SPATA22: variants seen among roughly 807,000 people sequenced by gnomAD.
The protein encoded by SPATA22 is spermatogenesis-associated protein 22.
A neutral mutation model predicts 47.8 loss-of-function variants in SPATA22; 29 were observed. The ratio of observed to expected loss-of-function variants is 0.61; its 90% CI spans 0.45 to 0.83. The LOEUF (loss-of-function observed/expected upper bound fraction) is 0.83, where lower values mean the gene tolerates loss of function less well. Among genes scored for constraint, SPATA22 ranks in the 40% least tolerant of loss-of-function variants. The probability of loss-of-function intolerance (pLI) is 0.00; values close to 1 mark genes in which losing one functional copy is unlikely to be tolerated. For synonymous variants in SPATA22, 133 were observed against 140.9 expected (o/e 0.94, Z 0.40); for missense variants, 410 against 421.7 (o/e 0.97, Z 0.24).
At chr17:3,502,301 C>T (rs2073999692) in intron 1 of SPATA22, 1 of 152,198 alleles carries the variant, frequency 6.6e-6, no homozygotes. Flanking sequence ...GTGAGCATAA[C>T]TTTTACACGT....
chr17:3,471,583 C>A (rs1344522120), intron 1 of SPATA22, 99 bp downstream of exon 1: 3 of 985,058 alleles, frequency 3.0e-6, no homozygotes, highest in Non-Finnish European at 3.6e-6. Flanking sequence ...GGCTCCTGAC[C>A]GCGGTGGGAG....
upstream of SPATA22, among the ~76,000 whole-genome samples, chr17:3,473,074 C>T (rs559527681): frequency 1.1e-4 from 17 of 148,106 alleles, no homozygotes; most frequent in South Asian, 3.4e-3. Flanking sequence ...ACATTTACAA[C>T]ACACACCCAC....
intron 5 of SPATA22, among the ~76,000 whole-genome samples, chr17:3,452,615 G>A (rs1256687609): frequency 6.6e-6 from 1 of 151,704 alleles, no homozygotes; most frequent in Non-Finnish European, 1.5e-5. Context: ...GAAAAACTAA[G>A]AGCTTATTTT....
chr17:3,513,796 A>G lies in SPATA22; in HGVS notation c.-458T>C, dbSNP rs1180614928. The G allele has an allele frequency of 1.5e-5, 12 of 798,382 alleles. No individual in the cohort carries two copies. The East Asian group carries it at 3.0e-4, about 20-fold the overall frequency. 49.5% of individuals were successfully genotyped at this position (798,382 alleles called of 1,614,324 possible). Reference sequence around the variant, plus strand: ...CACTGAGCACTGAGCACGAGGGTGCACTCTGCTTCTAGGCCAGCAGAGCCG... The same window carrying G: ...CACTGAGCACTGAGCACGAGGGTGCGCTCTGCTTCTAGGCCAGCAGAGCCG... On this transcript the variant is annotated 5_prime_UTR_variant, in exon 1 of 9. Transcript: ENST00000541913.
At chr17:3,477,249 A>G (rs547397280) in intron 1 of SPATA22, among the ~76,000 whole-genome samples, 28 of 152,344 alleles carry the variant, frequency 1.8e-4, no homozygotes, top group African/African-American at 5.5e-4. Flanking sequence ...ATTGTTGTAG[A>G]TGGGATACCA....
intron 2 of SPATA22, 50 bp downstream of exon 2, chr17:3,469,233 A>G: frequency 1.2e-6 from 1 of 832,472 alleles, no homozygotes. Context: ...TAAACTATAC[A>G]AGCTTTATAT....
At position 3,465,097 on chromosome 17, in the gene SPATA22, C is replaced by T. The variant is rs1328138791; in HGVS notation, c.172+2329G>A. Among the ~76,000 whole-genome samples, 14 of 115,658 alleles carry T rather than the reference C, an allele frequency of 1.2e-4. 1 individual carries two copies. The highest frequency in any genetic ancestry group is 1.2e-3 in the Admixed American group (14 of 12,124). The allele number at this position is 115,658 out of a possible 152,430, so 75.9% of individuals were successfully genotyped here. A position where few individuals can be genotyped will look rare whatever the true frequency, so the allele number is the denominator to read the frequency against. On this transcript the variant is annotated intron_variant, in intron 3 of 8. Transcript: ENST00000572969. ...GTCAGCCCCTCCACCCGGCAGCCAC[C>T]CCGTCTGGGAAGTGAGGAGCGTCTC...
rs900334376 is a variant in SPATA22, at chr17:3,467,305, A to G, written c.172+121T>C. ...GTTCAGAAAGTGCTATGTAATTTCT[A>G]TATGTGGATAATGGAAAGAAGAAAA... On this transcript the variant is annotated intron_variant, in intron 3 of 8. Transcript: ENST00000572969. 1.2e-5 allele frequency: 10 copies of G among 802,306 alleles called. No homozygotes were observed. The African/African-American group carries it at 1.6e-4, about 13-fold the overall frequency. 49.7% of individuals were successfully genotyped at this position (802,306 alleles called of 1,614,324 possible).
intron 8 of SPATA22, chr17:3,441,299 GTTTTTC>G (rs2072592553): frequency 6.6e-6 from 1 of 151,998 alleles, no homozygotes; most frequent in Non-Finnish European, 1.5e-5. Context: ...TCCCAGAATA[GTTTTTC>G]TTTTTAATTC....
At chr17:3,450,652 A>G (rs2072837094) in intron 5 of SPATA22, among the ~76,000 whole-genome samples, 1 of 152,188 alleles carries the variant, frequency 6.6e-6, no homozygotes, top group African/African-American at 2.4e-5. Context: ...TATTTTCAAT[A>G]AAGAGAACAG....
At position 3,440,146 on chromosome 17, in the gene SPATA22, C is replaced by G. The variant is rs372860387; in HGVS notation, c.*1G>C. The G allele has an allele frequency of 5.2e-6, 8 of 1,535,160 alleles. No individual in the cohort carries two copies. The African/African-American group carries it at 9.8e-5, about 19-fold the overall frequency. On this transcript the variant is annotated 3_prime_UTR_variant, in exon 9 of 9. Transcript: ENST00000572969. Reference sequence around the variant, plus strand: ...TATGCTAAACTTCCTTTTATCACTACTTAAGTTTCATTCATCACATTAATA... The same window carrying G: ...TATGCTAAACTTCCTTTTATCACTAGTTAAGTTTCATTCATCACATTAATA...
Position 3,509,927 on chromosome 17 carries a change from C to CT in SPATA22, c.-74+3484dup, listed in dbSNP as rs1243016689. ...TTCTCTAATGACCAGTGATGATGAG[C>CT]TTTTTTTCATATGTTTGTTGGCCAC... On this transcript the variant is annotated intron_variant, in intron 1 of 8. Transcript: ENST00000541913. Among the ~76,000 whole-genome samples, 7 of 152,084 alleles carry CT rather than the reference C, an allele frequency of 4.6e-5. No individual in the cohort carries two copies. In the East Asian group the frequency reaches 1.2e-3, roughly 25 times the overall value.
Position 3,448,849 on chromosome 17 carries a change from C to G in SPATA22, c.630G>C (p.Lys210Asn). 6.2e-7 allele frequency: 1 copy of G among 1,611,964 alleles called. No homozygotes were observed. The highest frequency in any genetic ancestry group is 1.3e-5 in the African/African-American group (1 of 74,926). ...CTGGAATATCATCCAACATTTGTTT[C>G]TTATATTGATTTTGTTGAAAATTGG... Reference protein sequence around the residue: ...LKPNFQQNQYKKQMLDDIPED... With the variant: ...LKPNFQQNQYNKQMLDDIPED... The change falls in exon 6 of 9, where the codon AAG becomes AAC. Residue 210 changes from lysine to asparagine, a missense_variant. By Grantham distance (94) the Lys-to-Asn change is moderately conservative (BLOSUM62 0). Transcript: ENST00000572969.
intron 1 of SPATA22, chr17:3,483,440 A>T (rs2073667934): frequency 7.0e-7 from 1 of 1,438,430 alleles, no homozygotes; most frequent in African/African-American, 1.4e-5. Flanking sequence ...ACTCTGTTGA[A>T]GCAAAGAGAA....
chr17:3,483,358 G>A (rs2073666896), intron 1 of SPATA22: 2 of 726,746 alleles, frequency 2.8e-6, no homozygotes, highest in Non-Finnish European at 5.0e-6. Flanking sequence ...ATACCATTGG[G>A]TTTTAAAGTA....
chr17:3,452,334 C>T (rs988547760), intron 5 of SPATA22, among the ~76,000 whole-genome samples: 2 of 149,962 alleles, frequency 1.3e-5, no homozygotes, highest in African/African-American at 4.9e-5. Flanking sequence ...TGGCTCATAC[C>T]TGTAATCCCA....
At chr17:3,484,288 G>A (rs1243477455) in intron 1 of SPATA22, among the ~76,000 whole-genome samples, 1 of 152,188 alleles carries the variant, frequency 6.6e-6, no homozygotes, top group Non-Finnish European at 1.5e-5. Context: ...CCAACCCTGT[G>A]CTAGGTGCGG....
At chr17:3,473,140 G>A (rs1223486794), upstream of SPATA22, among the ~76,000 whole-genome samples, 5 of 141,128 alleles carry the variant, frequency 3.5e-5, no homozygotes, top group East Asian at 2.1e-4. Flanking sequence ...ACCTTAAGCC[G>A]ATTACTTCTG....
intron 5 of SPATA22, among the ~76,000 whole-genome samples, chr17:3,452,412 T>C (rs541299461): frequency 2.6e-5 from 4 of 151,372 alleles, no homozygotes; most frequent in Non-Finnish European, 5.9e-5. Flanking sequence ...GCCAACATGA[T>C]GAAACCCCGT....
Sources: allele counts gnomAD v4.1 joint callset (sites outside exome capture counted in the v4.1 genomes callset), GRCh38; gene constraint gnomAD v4.1.1; transcripts MANE v1.5; gene names NCBI Gene and HGNC (gene_info 2026-07-23, HGNC 2026-07-21).